Variants in PDXDC1 observed in about 807,000 individuals in gnomAD.
The protein encoded by PDXDC1 is pyridoxal dependent decarboxylase domain containing 1.
A neutral mutation model predicts 100.1 loss-of-function variants in PDXDC1; 42 were observed. The ratio of observed to expected loss-of-function variants is 0.42; its 90% confidence interval spans 0.33 to 0.54. The LOEUF (loss-of-function observed/expected upper bound fraction) is 0.54. Ranked by LOEUF, PDXDC1 falls within the 20% of genes least tolerant of loss-of-function variation. PDXDC1 has a pLI of 0.10. For missense variants in PDXDC1, 636 were observed against 979.2 expected (o/e 0.65, Z 4.68); for synonymous variants, 260 against 371.7 (o/e 0.70, Z 3.46).
At chr16:15,122,806 G>C (rs1323845636) in intron 16 of PDXDC1, among the ~76,000 whole-genome samples, 17 of 116,772 alleles carry the variant, frequency 1.5e-4, no homozygotes, top group Non-Finnish European at 2.6e-4. Flanking sequence ...GGGACTGGGC[G>C]GGATCTGAGT....
chr16:14,989,112 A>ATCT lies in PDXDC1; in HGVS notation c.22-8638_22-8636dup, dbSNP rs529767014. ...GCCAGACGGCCTGTGGGTGTCAGTG[A>ATCT]TCTTCATTTCCACTCCTGGGCTGAA... On this transcript the variant is annotated intron_variant, in intron 1 of 22. Coordinates refer to ENST00000396410, the MANE Select transcript of PDXDC1 (RefSeq NM_015027.4). 219 of 1,613,362 alleles carry ATCT rather than the reference A, an allele frequency of 1.4e-4. No homozygotes were observed. In the African/African-American group the frequency reaches 2.4e-3, roughly 18 times the overall value.
chr16:15,069,901 G>C (rs1350088126), intron 16 of PDXDC1, among the ~76,000 whole-genome samples: 1 of 152,110 alleles, frequency 6.6e-6, no homozygotes, highest in Non-Finnish European at 1.5e-5. Flanking sequence ...CTATCTTAAG[G>C]GGTTTGTAGG....
At chr16:14,992,033 A>G (rs1293152265) in intron 1 of PDXDC1, among the ~76,000 whole-genome samples, 1 of 152,286 alleles carries the variant, frequency 6.6e-6, no homozygotes, top group Non-Finnish European at 1.5e-5. Flanking sequence ...CTTGCCTTCA[A>G]GAAGCTTGTA....
chr16:15,028,804 G>A (rs1232539804), intron 14 of PDXDC1, 74 bp from the exon 15 acceptor site: 114 of 1,391,096 alleles, frequency 8.2e-5, no homozygotes, highest in Non-Finnish European at 1.1e-4. Flanking sequence ...TGGGAATGAT[G>A]TGGGGTTTGG....
At chr16:15,145,353 TGGAC>T in the PDXDC1 span, among the ~76,000 whole-genome samples, 2 of 152,236 alleles carry the variant, frequency 1.3e-5, no homozygotes, top group African/African-American at 4.8e-5. Flanking sequence ...CGATGCACAG[TGGAC>T]GGGCTCACAA....
chr16:15,091,208 A>G, intron 16 of PDXDC1: 1 of 1,364,484 alleles, frequency 7.3e-7, no homozygotes, highest in South Asian at 1.3e-5. Flanking sequence ...ATAAGGGAGG[A>G]CCATGGAGAG....
At chr16:15,135,409 C>G in intron 16 of PDXDC1, 1 of 1,385,428 alleles carries the variant, frequency 7.2e-7, no homozygotes, top group Non-Finnish European at 1.0e-6. Flanking sequence ...CAAAGTTCAG[C>G]GCACACCCGC....
At chr16:15,032,668 A>AG (rs773401951) in intron 17 of PDXDC1, 193 bp from the exon 18 acceptor site, 23 of 380,178 alleles carry the variant, frequency 6.0e-5, no homozygotes, top group Non-Finnish European at 8.7e-5. Flanking sequence ...AAAAAAAAAA[A>AG]AGGCTTTCCT....
At chr16:15,039,926 C>CTTT (rs34345533), downstream of PDXDC1, 11 of 1,009,284 alleles carry the variant, frequency 1.1e-5, no homozygotes, top group Admixed American at 2.3e-5. Flanking sequence ...CATTTGATGC[C>CTTT]TTTTTTTTTT....
downstream of PDXDC1, chr16:15,040,979 G>T: frequency 1.1e-6 from 1 of 895,786 alleles, no homozygotes; most frequent in Non-Finnish European, 1.9e-6. Context: ...GTCCCATCCT[G>T]ACAGCAGTGG....
At chr16:15,137,416 G>A (rs1475077878) in intron 16 of PDXDC1, 21 of 1,463,780 alleles carry the variant, frequency 1.4e-5, no homozygotes, top group Non-Finnish European at 1.9e-5. Flanking sequence ...CGAGGCCCTG[G>A]CCGGTGGAGA....
chr16:14,991,274 TG>T (rs1392075238), intron 1 of PDXDC1, among the ~76,000 whole-genome samples: 1 of 13,160 alleles, frequency 7.6e-5, no homozygotes, highest in Non-Finnish European at 4.3e-4. Flanking sequence ...GATATGTGTG[TG>T]TGTGTGTGTG....
chr16:15,117,640 C>T (rs1598156560), intron 16 of PDXDC1, among the ~76,000 whole-genome samples: 4 of 136,486 alleles, frequency 2.9e-5, no homozygotes, highest in Middle Eastern at 3.6e-3. Context: ...TTGCAGTGAG[C>T]CGAGATCACA....
rs2043517838 is a variant in PDXDC1, at chr16:15,037,324, T to C, written c.*1049T>C. The C allele has an allele frequency of 6.6e-6, 1 of 152,244 alleles. No individual in the cohort carries two copies. The highest frequency in any genetic ancestry group is 1.5e-5 in the Non-Finnish European group (1 of 68,062). 9.4% of individuals were successfully genotyped at this position (152,244 alleles called of 1,614,324 possible). On this transcript the variant is annotated 3_prime_UTR_variant, in exon 23 of 23. Transcript: ENST00000396410. ...AGTAATGGCCCCTGTGCCTTCTTAA[T>C]CCAGCAGTCAAGCTTTTGGGAGACC...
At chr16:15,131,494 C>A in intron 16 of PDXDC1, 1 of 1,607,488 alleles carries the variant, frequency 6.2e-7, no homozygotes, top group Non-Finnish European at 8.5e-7. Flanking sequence ...GCACAGCAGG[C>A]TCCGCGGGTC....
chr16:15,144,493 G>A, the PDXDC1 span, among the ~76,000 whole-genome samples: 1 of 152,108 alleles, frequency 6.6e-6, no homozygotes, highest in Admixed American at 6.5e-5. Context: ...CCCACGAGGG[G>A]TGGGGGTTGC....
At chr16:15,061,979 G>T (rs908872470) in intron 16 of PDXDC1, 2 of 1,433,580 alleles carry the variant, frequency 1.4e-6, no homozygotes, top group Non-Finnish European at 1.9e-6. Flanking sequence ...CCTTCCTCAG[G>T]AAGGTGTTAA....
At chr16:14,978,166 TG>T (rs1416578432) in intron 1 of PDXDC1, among the ~76,000 whole-genome samples, 3 of 152,268 alleles carry the variant, frequency 2.0e-5, no homozygotes, top group Non-Finnish European at 2.9e-5. Context: ...ATAAATCAGA[TG>T]GGTTAATTGA....
chr16:15,130,562 A>T (rs2889568), intron 16 of PDXDC1: 4 of 1,382,970 alleles, frequency 2.9e-6, no homozygotes, highest in African/African-American at 1.4e-5. Flanking sequence ...CCGTCCCCAC[A>T]GGGCCTGTAA....
Sources: allele counts gnomAD v4.1 joint callset (sites outside exome capture counted in the v4.1 genomes callset), GRCh38; gene constraint gnomAD v4.1.1; transcripts MANE v1.5; gene names NCBI Gene and HGNC (gene_info 2026-07-23, HGNC 2026-07-21).